The following RTL4 variants were observed in gnomAD, a reference collection of about 807,000 sequenced individuals.
The protein encoded by RTL4 is retrotransposon Gag-like protein 4.
A neutral mutation model predicts 5.3 loss-of-function variants in RTL4; 4 were observed. That is an observed-to-expected ratio of 0.75 (90% CI 0.37 to 1.72). The LOEUF (loss-of-function observed/expected upper bound fraction) is 1.72, where lower values mean the gene tolerates loss of function less well. Ranked by LOEUF, RTL4 falls within the 40% of genes most tolerant of loss-of-function variation. The probability of loss-of-function intolerance (pLI) is 0.04; values close to 1 mark genes in which losing one functional copy is unlikely to be tolerated. For synonymous variants in RTL4, 98 were observed against 87.3 expected (o/e 1.12, Z -0.68); for missense variants, 260 against 227.1 (o/e 1.14, Z -0.93).
the RTL4 span, among the ~76,000 whole-genome samples, chrX:112,393,161 G>GTTTTTTTTTT: frequency 1.4e-5 from 1 of 71,326 alleles, no homozygotes. Context: ...TTTTTTTTTT[G>GTTTTTTTTTT]TTTTTTTTTT....
the RTL4 span, among the ~76,000 whole-genome samples, chrX:112,200,769 T>C: frequency 1.8e-5 from 2 of 111,871 alleles, no homozygotes. Flanking sequence ...TCTGCAATCA[T>C]TCGGATTAGC....
At chrX:112,401,488 A>G in the RTL4 span, among the ~76,000 whole-genome samples, 2,139 of 111,760 alleles carry the variant, frequency 0.019, 60 homozygotes, top group African/African-American at 0.065. Context: ...TAAGGTGTCA[A>G]AATGCCTGGA....
chrX:112,236,877 G>T, the RTL4 span, among the ~76,000 whole-genome samples: 1 of 111,288 alleles, frequency 9.0e-6, no homozygotes, highest in Non-Finnish European at 1.9e-5. Flanking sequence ...ACATTATCCT[G>T]GATAATCTGG....
At chrX:112,275,040 A>G in the RTL4 span, among the ~76,000 whole-genome samples, 2 of 111,284 alleles carry the variant, frequency 1.8e-5, no homozygotes, top group African/African-American at 6.5e-5. Context: ...GGAATTTACC[A>G]AGATCATACA....
At chrX:112,289,773 ATG>A in the RTL4 span, among the ~76,000 whole-genome samples, 28,397 of 105,814 alleles carry the variant, frequency 0.27, 3,019 homozygotes, top group Admixed American at 0.37. Flanking sequence ...TGTATAATAT[ATG>A]TGTGTGTGTG....
At chrX:112,239,361 G>C in the RTL4 span, among the ~76,000 whole-genome samples, 1 of 110,942 alleles carries the variant, frequency 9.0e-6, no homozygotes, top group Non-Finnish European at 1.9e-5. Flanking sequence ...GAGCTAGCAG[G>C]CATTTCCATC....
At chrX:112,220,100 G>T in the RTL4 span, among the ~76,000 whole-genome samples, 1 of 111,561 alleles carries the variant, frequency 9.0e-6, no homozygotes, top group Non-Finnish European at 1.9e-5. Context: ...CCTGGCTTTT[G>T]ACACTAATAT....
chrX:112,245,543 C>T, the RTL4 span, among the ~76,000 whole-genome samples: 2 of 111,919 alleles, frequency 1.8e-5, no homozygotes, highest in Non-Finnish European at 3.8e-5. Flanking sequence ...TTTTCAGCTC[C>T]ATCAGGTCAT....
At chrX:112,176,280 G>T in the RTL4 span, among the ~76,000 whole-genome samples, 1 of 112,079 alleles carries the variant, frequency 8.9e-6, no homozygotes, top group Non-Finnish European at 1.9e-5. Context: ...AATCAATATC[G>T]TGAAAATGGC....
At chrX:112,121,023 A>G in the RTL4 span, among the ~76,000 whole-genome samples, 6 of 111,648 alleles carry the variant, frequency 5.4e-5, no homozygotes, top group Non-Finnish European at 1.1e-4. Context: ...GATCAGAAAA[A>G]AATAACTAAT....
the RTL4 span, among the ~76,000 whole-genome samples, chrX:112,169,414 C>T: frequency 9.0e-6 from 1 of 111,156 alleles, no homozygotes; most frequent in East Asian, 2.8e-4. Flanking sequence ...GCACCTGGCC[C>T]TTGAATTATT....
the RTL4 span, chrX:112,382,045 T>C: frequency 3.9e-5 from 47 of 1,207,618 alleles, no homozygotes; most frequent in Non-Finnish European, 5.1e-5. Flanking sequence ...AACTAACGGC[T>C]ACTCAAAGCC....
the RTL4 span, among the ~76,000 whole-genome samples, chrX:112,176,741 T>C: frequency 9.0e-6 from 1 of 111,675 alleles, no homozygotes; most frequent in Non-Finnish European, 1.9e-5. Context: ...ACTATAATTT[T>C]CCTATTGTAC....
the RTL4 span, among the ~76,000 whole-genome samples, chrX:112,379,080 C>T: frequency 1.8e-5 from 2 of 112,437 alleles, no homozygotes; most frequent in Non-Finnish European, 3.8e-5. Flanking sequence ...ATTGCATAGA[C>T]TATGAAACTT....
the RTL4 span, among the ~76,000 whole-genome samples, chrX:112,423,168 C>A: frequency 9.1e-6 from 1 of 109,967 alleles, no homozygotes; most frequent in Non-Finnish European, 1.9e-5. Flanking sequence ...ACAGGAGAAT[C>A]AATTGACTCA....
At chrX:112,196,580 G>C in the RTL4 span, among the ~76,000 whole-genome samples, 1,721 of 111,276 alleles carry the variant, frequency 0.015, 38 homozygotes, top group African/African-American at 0.053. Context: ...CAAAATGACT[G>C]TACTGTTTTA....
At chrX:112,125,472 A>G in the RTL4 span, among the ~76,000 whole-genome samples, 1 of 112,150 alleles carries the variant, frequency 8.9e-6, no homozygotes, top group African/African-American at 3.2e-5. Flanking sequence ...CTTGGAAAAT[A>G]GAACATGCCC....
the RTL4 span, among the ~76,000 whole-genome samples, chrX:112,266,747 A>G: frequency 9.0e-6 from 1 of 111,442 alleles, no homozygotes; most frequent in East Asian, 2.9e-4. Context: ...ATGGACTCTC[A>G]GCCCATAATC....
the RTL4 span, among the ~76,000 whole-genome samples, chrX:112,412,588 A>G: frequency 0.042 from 4,743 of 111,612 alleles, 98 homozygotes; most frequent in Admixed American, 0.067. Context: ...AGAGGTGCCA[A>G]GAACATACAT....
Sources: allele counts gnomAD v4.1 joint callset (sites outside exome capture counted in the v4.1 genomes callset), GRCh38; gene constraint gnomAD v4.1.1; transcripts MANE v1.5; gene names NCBI Gene and HGNC (gene_info 2026-07-23, HGNC 2026-07-21).